Variants in TAX1BP3 observed in about 807,000 individuals in gnomAD.
TAX1BP3 encodes Tax1 binding protein 3.
Under a neutral mutation model 15.3 loss-of-function variants are expected in TAX1BP3, and 13 were observed. That is an observed-to-expected ratio of 0.85 (90% CI 0.55 to 1.35). The LOEUF (loss-of-function observed/expected upper bound fraction) is 1.35, where lower values mean the gene tolerates loss of function less well. Ranked by LOEUF, TAX1BP3 falls within the 40% of genes most tolerant of loss-of-function variation. TAX1BP3 has a pLI of 0.00. For synonymous variants in TAX1BP3, 70 were observed against 66.0 expected (o/e 1.06, Z -0.30); for missense variants, 147 against 169.6 (o/e 0.87, Z 0.74).
intron 1 of TAX1BP3, chr17:3,665,800 C>A: frequency 3.1e-6 from 2 of 642,420 alleles, no homozygotes; most frequent in South Asian, 3.6e-5. Flanking sequence ...CCACGGGGAC[C>A]AGCGCACAGG....
chr17:3,665,687 T>G, intron 1 of TAX1BP3: 1 of 856,764 alleles, frequency 1.2e-6, no homozygotes, highest in Non-Finnish European at 1.9e-6. Context: ...CTATTCCCTA[T>G]GAATTCATGG....
intron 1 of TAX1BP3, chr17:3,665,128 T>C: frequency 1.3e-6 from 1 of 750,890 alleles, no homozygotes; most frequent in Non-Finnish European, 2.3e-6. Flanking sequence ...TCACAGGAGG[T>C]GCTCTGGAAA....
intron 1 of TAX1BP3, chr17:3,665,266 C>G (rs1479671826): frequency 1.4e-6 from 2 of 1,382,060 alleles, no homozygotes; most frequent in East Asian, 2.3e-5. Flanking sequence ...TATATGTTCT[C>G]TAGGCCTTTT....
At chr17:3,666,885 G>T (rs111469122) in intron 1 of TAX1BP3, among the ~76,000 whole-genome samples, 5 of 152,308 alleles carry the variant, frequency 3.3e-5, no homozygotes, top group Admixed American at 2.0e-4. Flanking sequence ...CTGCCGGCAC[G>T]GTCAGAAGAT....
Position 3,668,454 on chromosome 17 carries a change from C to T in TAX1BP3, c.39+34G>A, listed in dbSNP as rs763276689. 10 of 1,605,600 alleles carry T rather than the reference C, an allele frequency of 6.2e-6. No individual in the cohort carries two copies. The African/African-American group carries it at 8.1e-5, about 13-fold the overall frequency. On this transcript the variant is annotated intron_variant, in intron 1 of 3. Transcript: ENST00000225525. This position sits in a 1 kb window ranked among gnomAD's most constrained non-coding sequence, Gnocchi z 4.1. ...CCCGCTCTGCGAGGTGGGGTCAGGC[C>T]AAGACGAGGAGGAGCCCGCGCAAGC...
chr17:3,666,883 A>C (rs910996163), intron 1 of TAX1BP3, among the ~76,000 whole-genome samples: 1 of 152,186 alleles, frequency 6.6e-6, no homozygotes, highest in Non-Finnish European at 1.5e-5. Context: ...CTCTGCCGGC[A>C]CGGTCAGAAG....
chr17:3,664,026 G>A, intron 3 of TAX1BP3, 141 bp from the exon 4 acceptor site: 2 of 1,445,198 alleles, frequency 1.4e-6, no homozygotes, highest in East Asian at 2.4e-5. Flanking sequence ...CACTGTGGCT[G>A]AGACACACAG....
At chr17:3,665,087 T>C in intron 1 of TAX1BP3, 1 of 690,516 alleles carries the variant, frequency 1.4e-6, no homozygotes, top group Admixed American at 2.1e-5. Context: ...AGAGTCCAGG[T>C]GCTGTGGCTT....
At chr17:3,666,223 G>C (rs928288171) in intron 1 of TAX1BP3, among the ~76,000 whole-genome samples, 1 of 152,252 alleles carries the variant, frequency 6.6e-6, no homozygotes, top group East Asian at 1.9e-4. Flanking sequence ...CAGGCTTTGA[G>C]GGGGTGATGG....
chr17:3,665,075 C>G, intron 1 of TAX1BP3: 1 of 674,598 alleles, frequency 1.5e-6, no homozygotes. Context: ...CCTGCTGGCC[C>G]AAGAGTCCAG....
intron 2 of TAX1BP3, 119 bp from the exon 3 acceptor site, chr17:3,664,391 A>T: frequency 1.6e-6 from 2 of 1,218,482 alleles, no homozygotes; most frequent in Non-Finnish European, 2.4e-6. Context: ...AGCCTCTCCC[A>T]GCACATATGG....
In TAX1BP3 at chr17:3,663,741, G is replaced by C. The variant is rs1309914710; in HGVS notation, c.*7C>G. ...CGGCAGGCAGGAGTCGCAGATGGTG[G>C]TGGCTGCTAGGACAGCATGGACTGC... On this transcript the variant is annotated 3_prime_UTR_variant, in exon 4 of 4. Coordinates refer to ENST00000225525, the MANE Select transcript of TAX1BP3 (RefSeq NM_014604.4). 1.3e-6 allele frequency: 2 copies of C among 1,594,580 alleles called. No individual in the cohort carries two copies. Among genetic ancestry groups the C allele is most frequent in the Non-Finnish European group, 1.7e-6 (2 of 1,172,080 alleles).
In TAX1BP3 at chr17:3,663,619, C is replaced by T. The variant is rs2076306177; in HGVS notation, c.*129G>A. On this transcript the variant is annotated 3_prime_UTR_variant, in exon 4 of 4. Transcript: ENST00000225525. ...GAAGGGAAGGAAGGCCAGGCCAGGCCTCTGGGACCAGCTATAGCCCTTCTG... is the reference window on the plus strand; with the variant it reads ...GAAGGGAAGGAAGGCCAGGCCAGGCTTCTGGGACCAGCTATAGCCCTTCTG... 2.2e-6 allele frequency: 3 copies of T among 1,372,724 alleles called. No homozygotes were observed. The highest frequency in any genetic ancestry group is 1.7e-5 in the South Asian group (1 of 60,278). 85.0% of individuals were successfully genotyped at this position (1,372,724 alleles called of 1,614,324 possible).
intron 1 of TAX1BP3, among the ~76,000 whole-genome samples, chr17:3,667,130 G>A (rs2076348509): frequency 6.6e-6 from 1 of 152,000 alleles, no homozygotes; most frequent in African/African-American, 2.4e-5. Flanking sequence ...GATCACCAGA[G>A]GTCAGGAGTT....
intron 1 of TAX1BP3, among the ~76,000 whole-genome samples, chr17:3,667,299 C>T (rs893086796): frequency 2.7e-5 from 4 of 149,710 alleles, no homozygotes; most frequent in Admixed American, 1.3e-4. Context: ...ACCGAGATCG[C>T]GCCACTGTAC....
intron 1 of TAX1BP3, among the ~76,000 whole-genome samples, chr17:3,667,959 C>G (rs774043557): frequency 6.6e-6 from 1 of 152,266 alleles, no homozygotes; most frequent in Non-Finnish European, 1.5e-5. Context: ...CGCAGCTATA[C>G]GAGCGTCCAC....
At position 3,664,270 on chromosome 17, in the gene TAX1BP3, A is replaced by G. The variant is rs201517650; in HGVS notation, c.162T>C (p.Gly54=). The change falls in exon 3 of 4, where the codon GGT becomes GGC. Residue 54 remains glycine, a splice_region_variant and synonymous_variant. Transcript: ENST00000225525. ...CTTCAGACACCCGTGTGACATAAAT[A>G]CCCTGGAAAGGGGCAGCCCAAGTCA... ...NPFSEDKTDK[G]IYVTRVSEGG... The G allele has an allele frequency of 8.9e-5, 144 of 1,613,740 alleles. 1 individual carries two copies. The East Asian group carries it at 3.0e-3, about 33-fold the overall frequency.
chr17:3,667,581 G>A (rs7213924), intron 1 of TAX1BP3, among the ~76,000 whole-genome samples: 5,399 of 152,182 alleles, frequency 0.035, 349 homozygotes, highest in African/African-American at 0.12. Flanking sequence ...GGGGACTTTC[G>A]CTTGACCTAC....
Position 3,668,073 on chromosome 17 carries a change from G to A in TAX1BP3, c.39+415C>T, listed in dbSNP as rs1197045220. 6.6e-6 allele frequency among the ~76,000 whole-genome samples: 1 copy of A among 152,238 alleles called. No homozygotes were observed. The highest frequency in any genetic ancestry group is 1.9e-4 in the East Asian group (1 of 5,202). ...GAGCCCCACCCCCAGATCTCCCTCCGGGCGGCGGCGCAGGCTGCAGCGGAG... is the reference window on the plus strand; with the variant it reads ...GAGCCCCACCCCCAGATCTCCCTCCAGGCGGCGGCGCAGGCTGCAGCGGAG... On this transcript the variant is annotated intron_variant, in intron 1 of 3. Coordinates refer to ENST00000225525, the MANE Select transcript of TAX1BP3 (RefSeq NM_014604.4). The surrounding 1 kb of genome is among the most constrained non-coding windows in gnomAD (Gnocchi z 4.1).
Sources: allele counts gnomAD v4.1 joint callset (sites outside exome capture counted in the v4.1 genomes callset), GRCh38; gene constraint gnomAD v4.1.1; non-coding constraint Gnocchi (gnomAD v3.1); transcripts MANE v1.5; gene names NCBI Gene and HGNC (gene_info 2026-07-23, HGNC 2026-07-21).